The following FAR1 variants were observed in gnomAD, a reference collection of about 807,000 sequenced individuals.
FAR1 encodes fatty acyl-CoA reductase 1.
In FAR1, 22 loss-of-function variants were observed where a neutral mutation model predicts 61.1. The observed-to-expected ratio is 0.36, with a 90% CI of 0.26 to 0.51. The LOEUF is 0.51. Among genes scored for constraint, FAR1 ranks in the 20% least tolerant of loss-of-function variants. FAR1 has a pLI of 0.95. For synonymous variants in FAR1, 206 were observed against 209.7 expected (o/e 0.98, Z 0.15); for missense variants, 359 against 626.9 (o/e 0.57, Z 4.56).
intron 7 of FAR1, 106 bp downstream of exon 7, chr11:13,712,152 C>A: frequency 3.7e-6 from 3 of 809,864 alleles, no homozygotes; most frequent in Non-Finnish European, 6.2e-6. Flanking sequence ...ATTGCCATAC[C>A]AATATTTAGG....
In FAR1 at chr11:13,730,276, T is replaced by G. The variant is rs570664425; in HGVS notation, c.*1502T>G. ...AATGTATAAAAAGTTTATTTTGCTA[T>G]TGTGAAAAACTAAATGTAAAGGAAA... On this transcript the variant is annotated 3_prime_UTR_variant, in exon 12 of 12. Transcript: ENST00000354817. 4.6e-5 allele frequency: 7 copies of G among 152,588 alleles called. No homozygotes were observed. The highest frequency in any genetic ancestry group is 1.7e-4 in the African/African-American group (7 of 41,586). 9.5% of individuals were successfully genotyped at this position (152,588 alleles called of 1,614,324 possible).
chr11:13,716,746 TA>T (rs1209749717), intron 9 of FAR1, among the ~76,000 whole-genome samples: 1 of 152,174 alleles, frequency 6.6e-6, no homozygotes, highest in African/African-American at 2.4e-5. Flanking sequence ...CAAATCTTCT[TA>T]AATTTTTTTT....
chr11:13,707,907 G>C lies in FAR1; in HGVS notation c.373G>C (p.Val125Leu). Reference protein sequence around the residue: ...VRFNENLRDAVQLNVIATRQL... With the variant: ...VRFNENLRDALQLNVIATRQL... The stretch of plus-strand genomic sequence containing the variant: ...CTTTTTCTTTTTAAACAGAGATGCT[G>C]TTCAGTTAAATGTGATTGCAACGCG... Residue 125 changes from valine to leucine, a missense_variant, in exon 4 of 12, where the codon GTT (valine) becomes CTT (leucine). Physicochemically the swap from Val to Leu is conservative, Grantham distance 32. Around this residue, in one of 2 missense-constraint regions of FAR1, gnomAD observed 344 missense variants for 570.3 expected, o/e 0.60. Transcript: ENST00000354817. 1 of 1,560,884 alleles carries C rather than the reference G, an allele frequency of 6.4e-7. No individual in the cohort carries two copies. The highest frequency in any genetic ancestry group is 8.7e-7 in the Non-Finnish European group (1 of 1,153,818).
Position 13,669,040 on chromosome 11 carries a change from G to T in FAR1, c.-8+234G>T, listed in dbSNP as rs553079463. The stretch of plus-strand genomic sequence containing the variant: ...GCCCTTCACAGGGCCGGGACCGCGT[G>T]GGGGACGTACGGTGGGGCCTGGTTT... On this transcript the variant is annotated intron_variant, in intron 1 of 11. Transcript: ENST00000354817. Among the ~76,000 whole-genome samples the T allele has an allele frequency of 2.6e-5, 4 of 152,306 alleles. No individual in the cohort carries two copies. In the South Asian group the frequency reaches 6.2e-4, roughly 24 times the overall value.
intron 9 of FAR1, 52 bp downstream of exon 9, chr11:13,714,732 T>G (rs1454997252): frequency 6.7e-7 from 1 of 1,501,752 alleles, no homozygotes; most frequent in African/African-American, 1.4e-5. Context: ...CAACCCATGC[T>G]TACACTAAAA....
intron 1 of FAR1, among the ~76,000 whole-genome samples, chr11:13,669,130 GGGT>G (rs1393365496): frequency 6.6e-6 from 1 of 152,218 alleles, no homozygotes; most frequent in East Asian, 1.9e-4. Context: ...AGGTGGGGCG[GGGT>G]GGTTAGCCGA....
intron 1 of FAR1, chr11:13,670,172 T>G (rs1272444068): frequency 6.6e-6 from 1 of 152,014 alleles, no homozygotes; most frequent in African/African-American, 2.4e-5. Flanking sequence ...GCCCAAGAGA[T>G]CTTTCCACCG....
At chr11:13,685,283 AT>A (rs930456220) in intron 1 of FAR1, among the ~76,000 whole-genome samples, 211 of 144,786 alleles carry the variant, frequency 1.5e-3, no homozygotes, top group Admixed American at 1.7e-3. Flanking sequence ...TAACTACCTG[AT>A]TTTTTTTTTT....
chr11:13,678,109 T>C (rs994142693), intron 1 of FAR1, among the ~76,000 whole-genome samples: 6 of 152,226 alleles, frequency 3.9e-5, no homozygotes, highest in Admixed American at 2.0e-4. Flanking sequence ...GCATATGTGG[T>C]AGGAGCTTGC....
At chr11:13,679,202 T>C (rs1038393846) in intron 1 of FAR1, among the ~76,000 whole-genome samples, 1 of 102,704 alleles carries the variant, frequency 9.7e-6, no homozygotes, top group Admixed American at 9.2e-5. Flanking sequence ...TATATCTTTG[T>C]ATATTGAAAT....
intron 1 of FAR1, among the ~76,000 whole-genome samples, chr11:13,675,871 T>C (rs753629575): frequency 6.6e-6 from 1 of 152,212 alleles, no homozygotes; most frequent in African/African-American, 2.4e-5. Context: ...TAGGGAATTG[T>C]TACCATTATA....
intron 10 of FAR1, among the ~76,000 whole-genome samples, chr11:13,726,493 A>G (rs1848667818): frequency 6.6e-6 from 1 of 152,038 alleles, no homozygotes; most frequent in Admixed American, 6.6e-5. Context: ...GCGTACTTAG[A>G]AAACATCTCT....
At chr11:13,714,299 A>T (rs1423786428) in intron 8 of FAR1, among the ~76,000 whole-genome samples, 1 of 152,216 alleles carries the variant, frequency 6.6e-6, no homozygotes, top group Non-Finnish European at 1.5e-5. Context: ...TCTAAAATTC[A>T]TAAATAGCGG....
At position 13,729,872 on chromosome 11, in the gene FAR1, TTAAA is replaced by T. The variant is rs1372052997; in HGVS notation, c.*1103_*1106del. ...AATGCTTAAGATAATGTGTACGAAA[TTAAA>T]TAAAGGACTTTATTTACATACTACA... On this transcript the variant is annotated 3_prime_UTR_variant, in exon 12 of 12. Coordinates refer to ENST00000354817, the MANE Select transcript of FAR1 (RefSeq NM_032228.6). The T allele has an allele frequency of 6.6e-6, 1 of 152,416 alleles. No homozygotes were observed. The highest frequency in any genetic ancestry group is 6.6e-5 in the Admixed American group (1 of 15,248). 9.4% of individuals were successfully genotyped at this position (152,416 alleles called of 1,614,324 possible).
intron 1 of FAR1, among the ~76,000 whole-genome samples, chr11:13,670,894 G>C (rs968924838): frequency 6.6e-6 from 1 of 152,148 alleles, no homozygotes; most frequent in Non-Finnish European, 1.5e-5. Context: ...GTATTTAAAT[G>C]GGAGATAGAG....
At chr11:13,684,443 C>T (rs1308220492) in intron 1 of FAR1, among the ~76,000 whole-genome samples, 1 of 152,128 alleles carries the variant, frequency 6.6e-6, no homozygotes, top group African/African-American at 2.4e-5. Context: ...TAATTGTGTG[C>T]CCAGTCTTTT....
At chr11:13,676,878 C>T (rs923318616) in intron 1 of FAR1, among the ~76,000 whole-genome samples, 3 of 152,070 alleles carry the variant, frequency 2.0e-5, no homozygotes, top group African/African-American at 7.2e-5. Context: ...ACAACTTATT[C>T]CAATACATAG....
In FAR1 at chr11:13,728,701, T is replaced by C; in HGVS notation, c.1475T>C (p.Ile492Thr). The change falls in exon 12 of 12, where the codon ATC (isoleucine) becomes ACC (threonine). Residue 492 changes from isoleucine to threonine, a missense_variant. Physicochemically the swap from Ile to Thr is moderately conservative, Grantham distance 89. Transcript: ENST00000354817. ...GCAAGATCACAAATGGCAAGAAATA[T>C]CTGGTACTTTGTGGTTAGTCTGTGT... The part of the protein sequence containing the change: ...FIARSQMARN[I>T]WYFVVSLCYK... The C allele has an allele frequency of 6.2e-7, 1 of 1,612,562 alleles. No individual in the cohort carries two copies. Among genetic ancestry groups the C allele is most frequent in the Non-Finnish European group, 8.5e-7 (1 of 1,178,820 alleles).
intron 9 of FAR1, 127 bp downstream of exon 9, chr11:13,714,807 G>T: frequency 1.3e-6 from 1 of 773,844 alleles, no homozygotes. Context: ...TGAATGAGAA[G>T]CCTCTTGAAT....
Sources: allele counts gnomAD v4.1 joint callset (sites outside exome capture counted in the v4.1 genomes callset), GRCh38; gene constraint gnomAD v4.1.1; regional missense constraint gnomAD v4.1.1; transcripts MANE v1.5; gene names NCBI Gene and HGNC (gene_info 2026-07-23, HGNC 2026-07-21).